OGDH: variants seen among roughly 807,000 people sequenced by gnomAD.
OGDH encodes the protein oxoglutarate dehydrogenase, also known as 2-oxoglutarate dehydrogenase complex component E1.
In OGDH, 38 loss-of-function variants were observed where a neutral mutation model predicts 116.6. The observed-to-expected ratio is 0.33, with a 90% CI of 0.25 to 0.43. OGDH has a LOEUF of 0.43. Ranked by LOEUF, OGDH falls within the 20% of genes least tolerant of loss-of-function variation. OGDH has a pLI of 1.00. For synonymous variants in OGDH, 488 were observed against 533.3 expected (o/e 0.92, Z 1.17); for missense variants, 825 against 1,357.2 (o/e 0.61, Z 6.16).
At chr7:44,629,966 A>T (rs1439686413) in intron 2 of OGDH, among the ~76,000 whole-genome samples, 4 of 151,904 alleles carry the variant, frequency 2.6e-5, no homozygotes, top group Admixed American at 2.6e-4. Context: ...TGCAGGAGGG[A>T]GGGTCTCTAT....
chr7:44,675,396 G>T (rs1049958532), intron 8 of OGDH, 128 bp downstream of exon 8: 2 of 791,272 alleles, frequency 2.5e-6, no homozygotes, highest in Middle Eastern at 4.6e-4. Flanking sequence ...TGCCTTCCTT[G>T]TTGGGAGAAT....
chr7:44,645,097 G>A (rs1029559025), intron 2 of OGDH, among the ~76,000 whole-genome samples: 3 of 152,176 alleles, frequency 2.0e-5, no homozygotes, highest in Non-Finnish European at 4.4e-5. Flanking sequence ...TATAGCTGTG[G>A]GGGTCAGAAA....
Position 44,697,010 on chromosome 7 carries a change from A to G in OGDH, c.1997A>G (p.Lys666Arg). The change falls in exon 15 of 23, where the codon AAG becomes AGG. Residue 666 changes from lysine to arginine, a missense_variant. Lys to Arg is a conservative substitution (Grantham distance 26). This residue lies in a region of OGDH where 92 missense variants were observed against 129.7 expected (regional missense o/e 0.71). Coordinates refer to ENST00000222673, the MANE Select transcript of OGDH (RefSeq NM_002541.4). The surrounding 1 kb of genome is among the most constrained non-coding windows in gnomAD (Gnocchi z 6.0). ...TACATGGCGTTTGGCTCGCTCCTGAAGGAGGGCATCCACATTCGGCTGAGC... is the reference window on the plus strand; with the variant it reads ...TACATGGCGTTTGGCTCGCTCCTGAGGGAGGGCATCCACATTCGGCTGAGC... The part of the protein sequence containing the change: ...AEYMAFGSLL[K>R]EGIHIRLSGQ... 1 of 1,614,218 alleles carries G rather than the reference A, an allele frequency of 6.2e-7. No homozygotes were observed. The highest frequency in any genetic ancestry group is 8.5e-7 in the Non-Finnish European group (1 of 1,180,038).
Position 44,693,866 on chromosome 7 carries a change from CT to C in OGDH, c.1378del (p.Tyr460ThrfsTer9). ...ACCCTCGGATGGCCCGCTCCTCCCC[CT>C]ACCCCACTGACGTGGCCCGAGTGGT... ...TDPRMARSSP[Y>X]PTDVARVVNA... On this transcript the variant is annotated frameshift_variant, in exon 11 of 23. Coordinates refer to ENST00000222673, the MANE Select transcript of OGDH (RefSeq NM_002541.4). LOFTEE classifies it high-confidence loss of function. 6.2e-7 allele frequency: 1 copy of C among 1,611,268 alleles called. No individual in the cohort carries two copies. The highest frequency in any genetic ancestry group is 1.3e-5 in the African/African-American group (1 of 75,028).
chr7:44,631,818 T>A (rs74663847), intron 2 of OGDH, among the ~76,000 whole-genome samples: 2 of 151,028 alleles, frequency 1.3e-5, no homozygotes, highest in Non-Finnish European at 3.0e-5. Context: ...TCTCTCTCTC[T>A]CCCCCTCTCC....
Position 44,622,209 on chromosome 7 carries a change from TA to T in OGDH, c.-27-2098del, listed in dbSNP as rs530461730. Among the ~76,000 whole-genome samples, 430 of 149,744 alleles carry T rather than the reference TA, an allele frequency of 2.9e-3. 1 individual carries two copies. Among genetic ancestry groups the T allele is most frequent in the Non-Finnish European group, 4.3e-3 (289 of 67,236 alleles). ...ACATTTTCCTTTGAGCCTGAGAAAT[TA>T]AAAAAAAAATAGCATAAAATGAAGC... On this transcript the variant is annotated intron_variant, in intron 1 of 22. Coordinates refer to ENST00000222673, the MANE Select transcript of OGDH (RefSeq NM_002541.4).
intron 1 of OGDH, among the ~76,000 whole-genome samples, chr7:44,623,574 A>G (rs1785082836): frequency 6.6e-6 from 1 of 152,218 alleles, no homozygotes; most frequent in Non-Finnish European, 1.5e-5. Context: ...ATTGTTTTAT[A>G]TATATGTAAT....
intron 18 of OGDH, among the ~76,000 whole-genome samples, chr7:44,699,182 A>G (rs1788716557): frequency 6.8e-6 from 1 of 146,844 alleles, no homozygotes; most frequent in South Asian, 2.1e-4. Flanking sequence ...TAAGCTCAAC[A>G]CTTTGGAGGC....
intron 10 of OGDH, 66 bp downstream of exon 10, chr7:44,681,914 C>T (rs907024352): frequency 7.7e-6 from 12 of 1,565,956 alleles, no homozygotes; most frequent in Non-Finnish European, 1.0e-5. Context: ...ATCTCTGAGT[C>T]ATTTAGGACG....
chr7:44,660,336 G>A (rs1786879020), intron 4 of OGDH, among the ~76,000 whole-genome samples: 1 of 152,066 alleles, frequency 6.6e-6, no homozygotes, highest in African/African-American at 2.4e-5. Flanking sequence ...TATTGCCCGG[G>A]CTGGTCATTA....
At chr7:44,691,129 T>C (rs762894014) in intron 10 of OGDH, among the ~76,000 whole-genome samples, 2 of 152,198 alleles carry the variant, frequency 1.3e-5, no homozygotes, top group Non-Finnish European at 2.9e-5. Context: ...GGAGAGGAAG[T>C]AACTTCTTAG....
chr7:44,643,334 TTTAAG>T (rs1259775590), intron 2 of OGDH, among the ~76,000 whole-genome samples: 2 of 152,172 alleles, frequency 1.3e-5, no homozygotes, highest in African/African-American at 2.4e-5. Context: ...GGTTGTTTTC[TTTAAG>T]TTATTTTTTC....
intron 2 of OGDH, among the ~76,000 whole-genome samples, chr7:44,635,626 C>G (rs1785632770): frequency 6.6e-6 from 1 of 152,036 alleles, no homozygotes; most frequent in Non-Finnish European, 1.5e-5. Flanking sequence ...AGTCATAGAG[C>G]TTGGGCTAAG....
chr7:44,630,745 T>G (rs1442377948), intron 2 of OGDH, among the ~76,000 whole-genome samples: 3 of 152,256 alleles, frequency 2.0e-5, no homozygotes, highest in African/African-American at 7.2e-5. Context: ...ATAGTTGTTA[T>G]ACTTCATTGT....
chr7:44,676,540 G>A, intron 9 of OGDH: 1 of 242,644 alleles, frequency 4.1e-6, no homozygotes, highest in Non-Finnish European at 7.8e-6. Flanking sequence ...GGGCCAACAA[G>A]AGCGAAACTC....
At chr7:44,628,542 C>T (rs1478972745) in intron 2 of OGDH, among the ~76,000 whole-genome samples, 1 of 151,134 alleles carries the variant, frequency 6.6e-6, no homozygotes, top group Non-Finnish European at 1.5e-5. Context: ...TGCTTGAGTC[C>T]AGGAGTTTGG....
intron 4 of OGDH, among the ~76,000 whole-genome samples, chr7:44,665,210 G>T (rs766386137): frequency 2.0e-5 from 3 of 150,090 alleles, no homozygotes; most frequent in Non-Finnish European, 2.9e-5. Flanking sequence ...TGTGCCCTCA[G>T]TGTTGACAGA....
intron 4 of OGDH, among the ~76,000 whole-genome samples, chr7:44,656,560 C>T (rs370419421): frequency 1.8e-4 from 28 of 152,300 alleles, no homozygotes; most frequent in African/African-American, 6.7e-4. Context: ...TATATGGTAT[C>T]GTTTTGTTTC....
At chr7:44,684,901 T>C (rs1256135393) in intron 10 of OGDH, among the ~76,000 whole-genome samples, 2 of 151,784 alleles carry the variant, frequency 1.3e-5, no homozygotes, top group African/African-American at 2.4e-5. Context: ...GCGATTCTCC[T>C]GTCTGTCTCC....
Sources: allele counts gnomAD v4.1 joint callset (sites outside exome capture counted in the v4.1 genomes callset), GRCh38; gene constraint gnomAD v4.1.1; regional missense constraint gnomAD v4.1.1; non-coding constraint Gnocchi (gnomAD v3.1); transcripts MANE v1.5; gene names NCBI Gene and HGNC (gene_info 2026-07-23, HGNC 2026-07-21).